The following FNDC3B variants were observed in gnomAD, a reference collection of about 807,000 sequenced individuals.
FNDC3B encodes the protein fibronectin type III domain containing 3B.
FNDC3B carries 12 observed loss-of-function variants against 151.5 expected under a neutral mutation model. That is an observed-to-expected ratio of 0.08 (90% CI 0.05 to 0.13). The LOEUF (loss-of-function observed/expected upper bound fraction) is 0.13, where lower values mean the gene tolerates loss of function less well. Ranked by LOEUF, FNDC3B falls within the 10% of genes least tolerant of loss-of-function variation. The pLI is 1.00. For synonymous variants in FNDC3B, 528 were observed against 549.0 expected (o/e 0.96, Z 0.54); for missense variants, 1,214 against 1,505.3 (o/e 0.81, Z 3.20).
At chr3:172,277,134 A>G (rs758682160) in intron 6 of FNDC3B, among the ~76,000 whole-genome samples, 10 of 148,994 alleles carry the variant, frequency 6.7e-5, no homozygotes, top group Non-Finnish European at 1.0e-4. Context: ...TTGTGAAAAA[A>G]CGTGTGTGTG....
At chr3:172,149,713 A>G (rs1345428199) in intron 3 of FNDC3B, among the ~76,000 whole-genome samples, 1 of 151,882 alleles carries the variant, frequency 6.6e-6, no homozygotes, top group Non-Finnish European at 1.5e-5. Context: ...CTTGACTAGT[A>G]ACAACAGGAA....
chr3:172,191,944 T>G (rs1028963345), intron 3 of FNDC3B, among the ~76,000 whole-genome samples: 6 of 152,132 alleles, frequency 3.9e-5, no homozygotes, highest in Non-Finnish European at 4.4e-5. Context: ...TGTCTGGTGG[T>G]GTATGCCATG....
At chr3:172,356,716 A>G (rs1734116002) in intron 22 of FNDC3B, among the ~76,000 whole-genome samples, 1 of 151,998 alleles carries the variant, frequency 6.6e-6, no homozygotes, top group Non-Finnish European at 1.5e-5. Context: ...ACCAAAAGGG[A>G]TTTTCGTTGT....
chr3:172,167,134 G>A (rs569597083), intron 3 of FNDC3B, among the ~76,000 whole-genome samples: 115 of 152,300 alleles, frequency 7.6e-4, no homozygotes, highest in African/African-American at 2.1e-3. Context: ...ATTGGCTCAC[G>A]CCTATAATCC....
chr3:172,053,764 G>A (rs1027023523), intron 1 of FNDC3B, among the ~76,000 whole-genome samples: 13 of 124,478 alleles, frequency 1.0e-4, no homozygotes, highest in Non-Finnish European at 1.6e-4. Flanking sequence ...GTGACAGGGC[G>A]AAACTCCGTC....
At chr3:172,379,395 T>A (rs923909176) in intron 24 of FNDC3B, among the ~76,000 whole-genome samples, 7 of 152,238 alleles carry the variant, frequency 4.6e-5, no homozygotes, top group African/African-American at 1.7e-4. Context: ...TACTCCCACA[T>A]GAAGGAGGTG....
At chr3:172,109,820 A>C (rs1184455775) in intron 1 of FNDC3B, among the ~76,000 whole-genome samples, 1 of 152,196 alleles carries the variant, frequency 6.6e-6, no homozygotes, top group Non-Finnish European at 1.5e-5. Context: ...TTGTCTATGA[A>C]GTTTTCAAAA....
intron 21 of FNDC3B, among the ~76,000 whole-genome samples, chr3:172,351,984 A>G (rs1733879715): frequency 6.6e-6 from 1 of 152,192 alleles, no homozygotes; most frequent in African/African-American, 2.4e-5. Flanking sequence ...CCACCCATCC[A>G]AATTGGGGAG....
intron 10 of FNDC3B, among the ~76,000 whole-genome samples, chr3:172,310,191 A>G (rs748356546): frequency 2.0e-5 from 3 of 152,024 alleles, no homozygotes; most frequent in Admixed American, 6.5e-5. Flanking sequence ...TTCCCTTCCC[A>G]TTGTTAAAAA....
chr3:172,104,562 C>T (rs570998397), intron 1 of FNDC3B, among the ~76,000 whole-genome samples: 5 of 152,190 alleles, frequency 3.3e-5, no homozygotes, highest in African/African-American at 1.2e-4. Context: ...GCGATTAGCT[C>T]AAGGAAAAGC....
chr3:172,263,062 C>T (rs1728735271), intron 6 of FNDC3B, among the ~76,000 whole-genome samples: 3 of 149,246 alleles, frequency 2.0e-5, no homozygotes, highest in South Asian at 2.1e-4. Flanking sequence ...CTCATATCCC[C>T]TTGGTATGTA....
intron 4 of FNDC3B, among the ~76,000 whole-genome samples, chr3:172,244,584 T>C (rs920367949): frequency 2.6e-5 from 4 of 151,976 alleles, no homozygotes; most frequent in Non-Finnish European, 5.9e-5. Context: ...ACATATTTTT[T>C]ATATTTCTAC....
chr3:172,336,346 G>A (rs529982369), intron 15 of FNDC3B, among the ~76,000 whole-genome samples: 1 of 152,186 alleles, frequency 6.6e-6, no homozygotes, highest in East Asian at 1.9e-4. Flanking sequence ...AATTCCTTTA[G>A]GCACAGAGTT....
chr3:172,051,989 A>G (rs1716675460), intron 1 of FNDC3B, among the ~76,000 whole-genome samples: 3 of 152,190 alleles, frequency 2.0e-5, no homozygotes, highest in Admixed American at 2.0e-4. Context: ...AGTTCAAATT[A>G]TAAGTTAAGG....
At chr3:172,128,618 GA>G (rs1469944391) in intron 2 of FNDC3B, among the ~76,000 whole-genome samples, 1 of 152,158 alleles carries the variant, frequency 6.6e-6, no homozygotes, top group Non-Finnish European at 1.5e-5. Flanking sequence ...GTAGCATGAG[GA>G]ATAGGTGGTA....
chr3:172,204,851 G>A (rs1318536009), intron 3 of FNDC3B, among the ~76,000 whole-genome samples: 2 of 152,208 alleles, frequency 1.3e-5, no homozygotes, highest in African/African-American at 2.4e-5. Context: ...CCTTGGTTGA[G>A]TGGGTGGAAA....
rs1389575736 is a variant in FNDC3B at position 172,232,940 on chromosome 3, A to G, written c.264+5993A>G. 2.6e-5 allele frequency among the ~76,000 whole-genome samples: 4 copies of G among 152,342 alleles called. No homozygotes were observed. The East Asian group carries it at 7.7e-4, about 29-fold the overall frequency. On this transcript the variant is annotated intron_variant, in intron 4 of 25. Coordinates refer to ENST00000415807, the MANE Select transcript of FNDC3B (RefSeq NM_022763.4). ...AGTAGTAGCTACTACAATGAAAAAG[A>G]CTGTTACAACAGTTCCAATGGAAGT...
chr3:172,386,428 G>T (rs1216352594), intron 25 of FNDC3B, among the ~76,000 whole-genome samples: 2 of 152,166 alleles, frequency 1.3e-5, no homozygotes, highest in Admixed American at 6.5e-5. Flanking sequence ...GAAATTCTTG[G>T]TGCTCAGATT....
At chr3:172,177,626 C>CTTTTTTTTTTTTT (rs10684671) in intron 3 of FNDC3B, among the ~76,000 whole-genome samples, 2,317 of 84,568 alleles carry the variant, frequency 0.027, 243 homozygotes, top group East Asian at 0.05. Context: ...TTACCACCAT[C>CTTTTTTTTTTTTT]TTTTTTTTTT....
Sources: allele counts gnomAD v4.1 joint callset (sites outside exome capture counted in the v4.1 genomes callset), GRCh38; gene constraint gnomAD v4.1.1; transcripts MANE v1.5; gene names NCBI Gene and HGNC (gene_info 2026-07-23, HGNC 2026-07-21).